The following SPOP variants were observed in gnomAD, a reference collection of about 807,000 sequenced individuals.
The protein encoded by SPOP is speckle type BTB/POZ protein.
A neutral mutation model predicts 45.6 loss-of-function variants in SPOP; 11 were observed. That is an observed-to-expected ratio of 0.24 (90% CI 0.15 to 0.40). The LOEUF is 0.40. Among genes scored for constraint, SPOP ranks in the 10% least tolerant of loss-of-function variants. The probability of loss-of-function intolerance (pLI) is 1.00; values close to 1 mark genes in which losing one functional copy is unlikely to be tolerated. For synonymous variants in SPOP, 166 were observed against 166.3 expected (o/e 1.00, Z 0.01); for missense variants, 152 against 465.6 (o/e 0.33, Z 6.20).
chr17:49,637,566 G>T (rs2072565331), intron 1 of SPOP, among the ~76,000 whole-genome samples: 1 of 152,094 alleles, frequency 6.6e-6, no homozygotes, highest in Non-Finnish European at 1.5e-5. Context: ...GGCCAGACTG[G>T]TCTCAAACTC....
chr17:49,606,051 C>T (rs2071837752), intron 8 of SPOP, among the ~76,000 whole-genome samples: 1 of 151,450 alleles, frequency 6.6e-6, no homozygotes, highest in African/African-American at 2.4e-5. Context: ...TTATGTATAT[C>T]CTCCTGTATA....
intron 2 of SPOP, 67 bp from the exon 3 acceptor site, chr17:49,622,134 C>G (rs1484036640): frequency 6.4e-7 from 1 of 1,572,156 alleles, no homozygotes; most frequent in Non-Finnish European, 8.7e-7. Flanking sequence ...GGATGAAGGG[C>G]AGATTATCAT....
At chr17:49,612,923 T>TG (rs2072005745) in intron 5 of SPOP, 1 of 152,220 alleles carries the variant, frequency 6.6e-6, no homozygotes, top group Non-Finnish European at 1.5e-5. Flanking sequence ...GAGGCAAAGT[T>TG]AATGACCTGT....
intron 8 of SPOP, among the ~76,000 whole-genome samples, chr17:49,603,375 C>A (rs999253714): frequency 5.3e-5 from 8 of 152,200 alleles, no homozygotes; most frequent in Admixed American, 4.6e-4. Flanking sequence ...TCAATACATT[C>A]TTTTAAAAGG....
intron 1 of SPOP, among the ~76,000 whole-genome samples, chr17:49,668,562 T>C (rs891039546): frequency 2.6e-5 from 4 of 151,796 alleles, no homozygotes; most frequent in Non-Finnish European, 5.9e-5. Flanking sequence ...AAAATAGGAG[T>C]ACACTAAGGC....
chr17:49,607,393 A>G (rs1291106170), intron 7 of SPOP, 21 bp from the exon 8 acceptor site: 1 of 1,609,348 alleles, frequency 6.2e-7, no homozygotes, highest in Non-Finnish European at 8.5e-7. Context: ...AAAACTGAAT[A>G]TGAGAAACAT....
chr17:49,637,147 G>A (rs2072556578), intron 1 of SPOP, among the ~76,000 whole-genome samples: 1 of 151,852 alleles, frequency 6.6e-6, no homozygotes, highest in African/African-American at 2.4e-5. Context: ...CGGTGGAGGA[G>A]GGACACGCAG....
Position 49,619,402 on chromosome 17 carries a change from GAA to G in SPOP, c.201-19_201-18del. On this transcript the variant is annotated intron_variant, in intron 3 of 9. Coordinates refer to ENST00000504102, the MANE Select transcript of SPOP (RefSeq NM_001007228.2). The surrounding 1 kb of genome is among the most constrained non-coding windows in gnomAD (Gnocchi z 4.9). Reference sequence around the variant, plus strand: ...CGCAAACACCTGTCCAAAACAGATAGAAAAAAAAAATGTCAAAAGCATCCATT... The same window carrying G: ...CGCAAACACCTGTCCAAAACAGATAGAAAAAAAATGTCAAAAGCATCCATT... 4 of 1,448,774 alleles carry G rather than the reference GAA, an allele frequency of 2.8e-6. No individual in the cohort carries two copies. The highest frequency in any genetic ancestry group is 2.8e-6 in the Non-Finnish European group (3 of 1,078,418). The allele number at this position is 1,448,774 out of a possible 1,614,324, so 89.7% of individuals were successfully genotyped here.
chr17:49,637,360 T>C, intron 1 of SPOP, among the ~76,000 whole-genome samples: 1 of 151,944 alleles, frequency 6.6e-6, no homozygotes, highest in Non-Finnish European at 1.5e-5. Flanking sequence ...CTGGTTCTCC[T>C]TTTTTTTGAG....
At chr17:49,616,688 GC>G in intron 5 of SPOP, among the ~76,000 whole-genome samples, 1 of 152,218 alleles carries the variant, frequency 6.6e-6, no homozygotes, top group Admixed American at 6.5e-5. Flanking sequence ...TCCACAGAGA[GC>G]CTTGGAACAG....
chr17:49,630,228 TA>T (rs1240517192), intron 1 of SPOP, among the ~76,000 whole-genome samples: 1 of 152,222 alleles, frequency 6.6e-6, no homozygotes, highest in Non-Finnish European at 1.5e-5. Context: ...TTTTGTATAC[TA>T]ATTTTTGAGA....
chr17:49,621,677 A>C (rs1017619596), intron 3 of SPOP, among the ~76,000 whole-genome samples: 1 of 152,218 alleles, frequency 6.6e-6, no homozygotes, highest in African/African-American at 2.4e-5. Flanking sequence ...ATTTATGGAT[A>C]TCATTTATAA....
chr17:49,613,915 G>C (rs1389432330), intron 5 of SPOP, among the ~76,000 whole-genome samples: 1 of 152,052 alleles, frequency 6.6e-6, no homozygotes, highest in African/African-American at 2.4e-5. Context: ...GACTCATTCA[G>C]AACTGCAGCT....
chr17:49,640,794 A>G (rs563992513), intron 1 of SPOP, among the ~76,000 whole-genome samples: 61 of 152,256 alleles, frequency 4.0e-4, no homozygotes, highest in African/African-American at 1.4e-3. Flanking sequence ...TACCAGCTAC[A>G]CTGCCGTTCT....
intron 5 of SPOP, among the ~76,000 whole-genome samples, chr17:49,615,582 T>C (rs1013496778): frequency 6.6e-6 from 1 of 152,166 alleles, no homozygotes; most frequent in East Asian, 1.9e-4. Flanking sequence ...AGCACGATCA[T>C]AGCACACCAC....
At chr17:49,677,523 A>T (rs2073215548) in intron 1 of SPOP, among the ~76,000 whole-genome samples, 2 of 152,234 alleles carry the variant, frequency 1.3e-5, no homozygotes, top group Admixed American at 6.5e-5. Context: ...CTCGTGCTCC[A>T]CCGGCTCTTT....
At chr17:49,674,634 A>C (rs1286557940) in intron 1 of SPOP, among the ~76,000 whole-genome samples, 1 of 152,260 alleles carries the variant, frequency 6.6e-6, no homozygotes, top group African/African-American at 2.4e-5. Context: ...TAACTAGATT[A>C]GCTTTTCAAT....
At chr17:49,673,322 G>A (rs768943616) in intron 1 of SPOP, among the ~76,000 whole-genome samples, 3 of 152,046 alleles carry the variant, frequency 2.0e-5, no homozygotes, top group Non-Finnish European at 4.4e-5. Flanking sequence ...TGGCTAACAT[G>A]GTGAAACACC....
intron 3 of SPOP, chr17:49,620,473 A>C: frequency 6.6e-6 from 1 of 151,950 alleles, no homozygotes. Context: ...GTCTCAAAAA[A>C]AAAAAAAAAA....
Sources: gnomAD v4.1 joint callset for allele counts (sites outside exome capture counted in the v4.1 genomes callset) on GRCh38, gnomAD v4.1.1 for gene constraint, Gnocchi (gnomAD v3.1) non-coding constraint, MANE v1.5 for transcripts, NCBI Gene and HGNC (gene_info 2026-07-23, HGNC 2026-07-21) for gene names.